ZMIZ1: variants seen among roughly 807,000 people sequenced by gnomAD.
ZMIZ1 encodes the protein zinc finger MIZ domain-containing protein 1.
In ZMIZ1, 17 loss-of-function variants were observed where a neutral mutation model predicts 113.9. The ratio of observed to expected loss-of-function variants is 0.15; its 90% CI spans 0.10 to 0.22. ZMIZ1 has a LOEUF of 0.22. Ranked by LOEUF, ZMIZ1 falls within the 10% of genes least tolerant of loss-of-function variation. ZMIZ1 has a pLI of 1.00. For synonymous variants in ZMIZ1, 607 were observed against 603.1 expected (o/e 1.01, Z -0.09); for missense variants, 1,059 against 1,477.8 (o/e 0.72, Z 4.65).
At chr10:79,137,177 C>A (rs1000369823) in intron 2 of ZMIZ1, among the ~76,000 whole-genome samples, 2 of 152,210 alleles carry the variant, frequency 1.3e-5, no homozygotes, top group African/African-American at 4.8e-5. Context: ...TTCTGTGGCC[C>A]AGCCCTGTGC....
At chr10:79,070,926 T>G (rs1237932384) in intron 1 of ZMIZ1, among the ~76,000 whole-genome samples, 2 of 146,146 alleles carry the variant, frequency 1.4e-5, no homozygotes, top group African/African-American at 2.5e-5. Context: ...TGCCCTGACA[T>G]GAGGGAGGAA....
chr10:79,298,519 C>T lies in ZMIZ1; in HGVS notation c.1605C>T (p.Asp535=), dbSNP rs766712362. The part of the protein sequence containing the change: ...SIPPYLSPSQ[D]VKPPFPPDIK... Reference sequence around the variant, plus strand: ...CTCCATACCTGTCCCCCAGCCAAGACGTCAAACCACCCTTCCCGCCTGACA... The same window carrying T: ...CTCCATACCTGTCCCCCAGCCAAGATGTCAAACCACCCTTCCCGCCTGACA... Residue 535 remains aspartate (D), a synonymous_variant, in exon 15 of 25, where the codon GAC becomes GAT. Transcript: ENST00000334512. The T allele has an allele frequency of 1.4e-5, 22 of 1,601,910 alleles. No individual in the cohort carries two copies. The Middle Eastern group carries it at 5.0e-4, about 36-fold the overall frequency.
chr10:79,139,727 G>A lies in ZMIZ1; in HGVS notation c.-181G>A. 1 of 398,886 alleles carries A rather than the reference G, an allele frequency of 2.5e-6. No homozygotes were observed. Among genetic ancestry groups the A allele is most frequent in the African/African-American group, 2.1e-5 (1 of 48,748 alleles). 24.7% of individuals were successfully genotyped at this position (398,886 alleles called of 1,614,324 possible). On this transcript the variant is annotated 5_prime_UTR_variant, in exon 3 of 25. Coordinates refer to ENST00000334512, the MANE Select transcript of ZMIZ1 (RefSeq NM_020338.4). Reference sequence around the variant, plus strand: ...TTGGCGTCGGACCAATGCTGCAAGGGGTGTGAGGAGAGGAGCCGCTGTTTT... The same window carrying A: ...TTGGCGTCGGACCAATGCTGCAAGGAGTGTGAGGAGAGGAGCCGCTGTTTT...
intron 7 of ZMIZ1, among the ~76,000 whole-genome samples, chr10:79,231,528 G>A (rs1589453351): frequency 6.6e-6 from 1 of 151,944 alleles, no homozygotes; most frequent in East Asian, 1.9e-4. Flanking sequence ...ATAGGTGTGA[G>A]CCACCATGCC....
chr10:79,171,498 T>C (rs1846601302), intron 4 of ZMIZ1, among the ~76,000 whole-genome samples: 1 of 152,214 alleles, frequency 6.6e-6, no homozygotes, highest in Non-Finnish European at 1.5e-5. Flanking sequence ...CTATCTGTAC[T>C]CAGTAAGGCA....
At chr10:79,150,061 T>G (rs900708152) in intron 3 of ZMIZ1, among the ~76,000 whole-genome samples, 18 of 152,154 alleles carry the variant, frequency 1.2e-4, no homozygotes, top group African/African-American at 4.1e-4. Flanking sequence ...TCCCCTGGGC[T>G]GGGTGGGGCC....
intron 1 of ZMIZ1, among the ~76,000 whole-genome samples, chr10:79,085,576 G>A (rs989575335): frequency 6.6e-6 from 1 of 152,362 alleles, no homozygotes; most frequent in East Asian, 1.9e-4. Context: ...AAAATGGGCA[G>A]AGGGTGCCCG....
chr10:79,229,296 C>T (rs1345573292), intron 7 of ZMIZ1, among the ~76,000 whole-genome samples: 1 of 152,230 alleles, frequency 6.6e-6, no homozygotes, highest in Non-Finnish European at 1.5e-5. Context: ...GGAAGCAGAG[C>T]CTCCTTGCCG....
intron 4 of ZMIZ1, among the ~76,000 whole-genome samples, chr10:79,163,204 TG>T (rs1248100685): frequency 6.6e-6 from 1 of 152,226 alleles, no homozygotes; most frequent in East Asian, 1.9e-4. Flanking sequence ...CATCCCCTGC[TG>T]CCCTCAGCGT....
At chr10:79,113,745 T>C (rs1244815700) in intron 1 of ZMIZ1, among the ~76,000 whole-genome samples, 12 of 152,228 alleles carry the variant, frequency 7.9e-5, no homozygotes, top group Middle Eastern at 3.4e-3. Flanking sequence ...GGTGAAGGCT[T>C]CCCTGGCACC....
intron 5 of ZMIZ1, among the ~76,000 whole-genome samples, chr10:79,203,087 A>G (rs534024455): frequency 6.6e-6 from 1 of 152,248 alleles, no homozygotes; most frequent in Admixed American, 6.5e-5. Context: ...CCAGCTTAGC[A>G]GGAAGCTCAG....
chr10:79,208,373 C>T lies in ZMIZ1; in HGVS notation c.98C>T (p.Thr33Met), dbSNP rs766670423. ...CCTGCCAACTTCCACAATGCCGCCA[C>T]GGAGCTGCTGGACTGGTGCGGAGAC... is the stretch of plus-strand genomic sequence containing the variant. ...QNPANFHNAATELLDWCGDPR... is the reference protein window; with the variant it reads ...QNPANFHNAAMELLDWCGDPR... The change falls in exon 6 of 25, where the codon ACG becomes ATG. Residue 33 changes from threonine (T) to methionine (M), a missense_variant. Physicochemically the swap from Thr to Met is moderately conservative, Grantham distance 81. Coordinates refer to ENST00000334512, the MANE Select transcript of ZMIZ1 (RefSeq NM_020338.4). 16 of 1,614,046 alleles carry T rather than the reference C, an allele frequency of 9.9e-6. No individual in the cohort carries two copies. The highest frequency in any genetic ancestry group is 1.3e-5 in the Non-Finnish European group (15 of 1,180,036).
At position 79,214,922 on chromosome 10, in the gene ZMIZ1, C is replaced by T. The variant is rs546514272; in HGVS notation, c.175-1247C>T. Reference sequence around the variant, plus strand: ...GGGTGGGGACAGAGTGAAGCCAGAGCGGCAACAGCTTGCAAAGCCACCCAA... The same window carrying T: ...GGGTGGGGACAGAGTGAAGCCAGAGTGGCAACAGCTTGCAAAGCCACCCAA... On this transcript the variant is annotated intron_variant, in intron 6 of 24. Transcript: ENST00000334512. 6.6e-5 allele frequency among the ~76,000 whole-genome samples: 10 copies of T among 152,304 alleles called. No individual in the cohort carries two copies. In the East Asian group the frequency reaches 7.7e-4, roughly 12 times the overall value.
chr10:79,151,703 CG>C (rs1178847073), intron 3 of ZMIZ1, among the ~76,000 whole-genome samples: 1 of 152,200 alleles, frequency 6.6e-6, no homozygotes, highest in Admixed American at 6.5e-5. Flanking sequence ...TGAGTCCCAC[CG>C]GCGTGGGGTT....
chr10:79,263,564 C>T (rs1851396156), intron 7 of ZMIZ1, among the ~76,000 whole-genome samples: 1 of 152,134 alleles, frequency 6.6e-6, no homozygotes, highest in Non-Finnish European at 1.5e-5. Flanking sequence ...GCCCTAGGCT[C>T]ACCACCTCCC....
chr10:79,233,540 A>G (rs1849476617), intron 7 of ZMIZ1, among the ~76,000 whole-genome samples: 1 of 152,240 alleles, frequency 6.6e-6, no homozygotes, highest in African/African-American at 2.4e-5. Flanking sequence ...CAAAGGCCCC[A>G]GCTCTTCGTA....
intron 18 of ZMIZ1, among the ~76,000 whole-genome samples, 174 bp from the exon 19 acceptor site, chr10:79,303,841 C>T (rs1314223054): frequency 1.3e-5 from 2 of 152,240 alleles, no homozygotes; most frequent in Non-Finnish European, 2.9e-5. Flanking sequence ...CCCGGGCACC[C>T]GGCCCTGTGA....
At chr10:79,100,489 G>T (rs552501302) in intron 1 of ZMIZ1, among the ~76,000 whole-genome samples, 1 of 152,032 alleles carries the variant, frequency 6.6e-6, no homozygotes, top group Admixed American at 6.5e-5. Context: ...CTGGGTGGGT[G>T]GGAGGCAAAG....
chr10:79,087,173 T>A (rs986698181), intron 1 of ZMIZ1, among the ~76,000 whole-genome samples: 1 of 152,274 alleles, frequency 6.6e-6, no homozygotes, highest in Non-Finnish European at 1.5e-5. Context: ...GTAGCGCATG[T>A]TGCGCACTGC....
Sources: gnomAD v4.1 joint callset for allele counts (sites outside exome capture counted in the v4.1 genomes callset) on GRCh38, gnomAD v4.1.1 for gene constraint, MANE v1.5 for transcripts, NCBI Gene and HGNC (gene_info 2026-07-23, HGNC 2026-07-21) for gene names.